Variants in CCDC149 observed in about 807,000 individuals in gnomAD.
CCDC149 encodes the protein coiled-coil domain-containing protein 149.
CCDC149 carries 45 observed loss-of-function variants against 59.9 expected under a neutral mutation model. That is an observed-to-expected ratio of 0.75 (90% CI 0.59 to 0.96). The LOEUF (loss-of-function observed/expected upper bound fraction) is 0.96, where lower values mean the gene tolerates loss of function less well. CCDC149 is among the 40% of genes least tolerant of loss of function. The pLI, the probability that CCDC149 is intolerant of heterozygous loss-of-function variation, is 0.00. For missense variants in CCDC149, 584 were observed against 664.7 expected (o/e 0.88, Z 1.33); for synonymous variants, 245 against 260.6 (o/e 0.94, Z 0.58).
At chr4:24,979,104 C>A (rs910207115) in intron 1 of CCDC149, among the ~76,000 whole-genome samples, 1 of 152,158 alleles carries the variant, frequency 6.6e-6, no homozygotes, top group Non-Finnish European at 1.5e-5. Context: ...AATGAGGCCA[C>A]CATGGGGGAC....
At chr4:24,864,896 C>T (rs1234633364) in intron 3 of CCDC149, among the ~76,000 whole-genome samples, 1 of 152,156 alleles carries the variant, frequency 6.6e-6, no homozygotes, top group Admixed American at 6.5e-5. Context: ...TTCTTGTATT[C>T]ACAGGTTCTG....
chr4:24,808,401 G>T lies in CCDC149; in HGVS notation c.1611C>A (p.Thr537=). 1 of 1,449,028 alleles carries T rather than the reference G, an allele frequency of 6.9e-7. No individual in the cohort carries two copies. The highest frequency in any genetic ancestry group is 1.5e-5 in the South Asian group (1 of 65,552). The allele number at this position is 1,449,028 out of a possible 1,614,324, so 89.8% of individuals were successfully genotyped here. A position where few individuals can be genotyped will look rare whatever the true frequency, so the allele number is the denominator to read the frequency against. ...ATCCCTCTCCCCTTCAGGTTTTCAC[G>T]GTGCTCCTCATGCCTCCGCCCTCTG... The change falls in exon 13 of 13, where the codon ACC becomes ACA. Residue 537 remains threonine, a synonymous_variant. Transcript: ENST00000635206.
intron 3 of CCDC149, among the ~76,000 whole-genome samples, chr4:24,865,256 C>A (rs957159045): frequency 1.3e-5 from 2 of 152,114 alleles, no homozygotes; most frequent in African/African-American, 4.8e-5. Context: ...AAGTTTGATA[C>A]TCTGAGACCC....
rs1721786353 is a variant in CCDC149, at chr4:24,910,105, G to A, written c.63+2712C>T. Among the ~76,000 whole-genome samples, 5 of 152,308 alleles carry A rather than the reference G, an allele frequency of 3.3e-5. No individual in the cohort carries two copies. In the South Asian group the frequency reaches 1.0e-3, roughly 32 times the overall value. On this transcript the variant is annotated intron_variant, in intron 1 of 12. Coordinates refer to ENST00000635206, the MANE Select transcript of CCDC149 (RefSeq NM_001330643.2). The stretch of plus-strand genomic sequence containing the variant: ...GTGTCAACAGTTGTTTTTTTCTGGG[G>A]ACTTTGAGGGAGAATCTGCCTCTTC...
At chr4:24,918,532 T>C (rs1722199832) in intron 1 of CCDC149, among the ~76,000 whole-genome samples, 1 of 152,170 alleles carries the variant, frequency 6.6e-6, no homozygotes. Flanking sequence ...AGTAGGAGAA[T>C]TGCCTCCCTG....
chr4:24,876,699 T>C lies in CCDC149; in HGVS notation c.64-2A>G. 6.2e-7 allele frequency: 1 copy of C among 1,606,510 alleles called. No individual in the cohort carries two copies. The highest frequency in any genetic ancestry group is 8.5e-7 in the Non-Finnish European group (1 of 1,176,122). ...CAGCTTCCTCTTACACACCAGGTAC[T>C]GCAAAGCAAACAAATCCAGGCAATG... On this transcript the variant is annotated splice_acceptor_variant, in intron 1 of 12. Transcript: ENST00000635206. LOFTEE classifies it high-confidence loss of function.
chr4:24,837,297 T>C lies in CCDC149; in HGVS notation c.593A>G (p.Glu198Gly), dbSNP rs1716603786. The change falls in exon 6 of 13, where the codon GAG (glutamate) becomes GGG (glycine). Residue 198 changes from glutamate (E) to glycine (G), a missense_variant. Coordinates refer to ENST00000635206, the MANE Select transcript of CCDC149 (RefSeq NM_001330643.2). The surrounding 1 kb of genome is among the most constrained non-coding windows in gnomAD (Gnocchi z 4.3). ...GTGCCCACTCAGGATATGGTTCAGC[T>C]CCTGGTTGAGCCTCTCCACTTTGTC... is the stretch of plus-strand genomic sequence containing the variant. 1 of 1,614,198 alleles carries C rather than the reference T, an allele frequency of 6.2e-7. No homozygotes were observed. Among genetic ancestry groups the C allele is most frequent in the Non-Finnish European group, 8.5e-7 (1 of 1,180,030 alleles).
At chr4:24,908,531 C>CAA (rs5856870) in intron 1 of CCDC149, among the ~76,000 whole-genome samples, 18 of 115,324 alleles carry the variant, frequency 1.6e-4, no homozygotes, top group East Asian at 1.0e-3. Flanking sequence ...TCTATCTCTA[C>CAA]AAAAAAAAAA....
At chr4:24,859,270 C>A (rs1460040191) in intron 3 of CCDC149, among the ~76,000 whole-genome samples, 2 of 152,120 alleles carry the variant, frequency 1.3e-5, no homozygotes, top group East Asian at 3.9e-4. Context: ...TATAAGTGTT[C>A]TGAGCATATT....
intron 1 of CCDC149, among the ~76,000 whole-genome samples, chr4:24,878,518 G>C (rs1346193535): frequency 6.6e-6 from 1 of 152,100 alleles, no homozygotes; most frequent in African/African-American, 2.4e-5. Flanking sequence ...TGTCCTCAGG[G>C]GCGTATTGAG....
chr4:24,822,684 C>A, intron 9 of CCDC149, 111 bp from the exon 10 acceptor site: 3 of 643,128 alleles, frequency 4.7e-6, no homozygotes, highest in Non-Finnish European at 5.2e-6. Flanking sequence ...ATGATATATG[C>A]AAAAAATGGA....
intron 1 of CCDC149, among the ~76,000 whole-genome samples, chr4:24,911,540 T>C (rs1354191474): frequency 6.6e-6 from 1 of 152,228 alleles, no homozygotes; most frequent in East Asian, 1.9e-4. Context: ...AGTATGATTC[T>C]TGATGGGACC....
chr4:24,913,146 C>G (rs969176078), upstream of CCDC149, among the ~76,000 whole-genome samples: 1 of 151,698 alleles, frequency 6.6e-6, no homozygotes, highest in African/African-American at 2.4e-5. Flanking sequence ...GCCCCGCGAC[C>G]TCGGGCTCCG....
intron 1 of CCDC149, among the ~76,000 whole-genome samples, chr4:24,890,819 T>C (rs1471476809): frequency 6.6e-6 from 1 of 152,262 alleles, no homozygotes; most frequent in Non-Finnish European, 1.5e-5. Flanking sequence ...ATCTGCAGAC[T>C]TGAGATCTTG....
chr4:24,838,723 A>T (rs1042491534), intron 4 of CCDC149, among the ~76,000 whole-genome samples: 1 of 152,032 alleles, frequency 6.6e-6, no homozygotes, highest in African/African-American at 2.4e-5. Flanking sequence ...ATAATCCCAG[A>T]CTGCTAACTT....
At chr4:24,832,886 A>G (rs1407637754) in intron 8 of CCDC149, among the ~76,000 whole-genome samples, 1 of 152,182 alleles carries the variant, frequency 6.6e-6, no homozygotes, top group East Asian at 1.9e-4. Context: ...TGCTGTTACA[A>G]CTATGTTTTC....
At chr4:24,938,182 C>T (rs1722837664) in intron 1 of CCDC149, among the ~76,000 whole-genome samples, 3 of 152,154 alleles carry the variant, frequency 2.0e-5, no homozygotes, top group Admixed American at 2.0e-4. Context: ...GAATCTGTGT[C>T]ATGCATCAAT....
chr4:24,814,668 T>C (rs57426965), intron 12 of CCDC149, among the ~76,000 whole-genome samples: 5,920 of 152,282 alleles, frequency 0.039, 365 homozygotes, highest in African/African-American at 0.13. Context: ...ACTGCAGGCT[T>C]GAAGCACAAA....
intron 7 of CCDC149, among the ~76,000 whole-genome samples, chr4:24,835,312 A>G (rs1288493742): frequency 6.6e-6 from 1 of 152,242 alleles, no homozygotes; most frequent in East Asian, 1.9e-4. Context: ...AATTAAATCA[A>G]ATCTGAAACA....
Sources: allele counts gnomAD v4.1 joint callset (sites outside exome capture counted in the v4.1 genomes callset), GRCh38; gene constraint gnomAD v4.1.1; non-coding constraint Gnocchi (gnomAD v3.1); transcripts MANE v1.5; gene names NCBI Gene and HGNC (gene_info 2026-07-23, HGNC 2026-07-21).